LIMA1: variants seen among roughly 807,000 people sequenced by gnomAD.
The protein encoded by LIMA1 is LIM domain and actin-binding protein 1.
LIMA1 carries 52 observed loss-of-function variants against 62.6 expected under a neutral mutation model. The ratio of observed to expected loss-of-function variants is 0.83; its 90% CI spans 0.67 to 1.05. LIMA1 has a LOEUF of 1.05. Among genes scored for constraint, LIMA1 ranks in the 50% least tolerant of loss-of-function variants. The probability of loss-of-function intolerance (pLI) is 0.00; values close to 1 mark genes in which losing one functional copy is unlikely to be tolerated. For synonymous variants in LIMA1, 302 were observed against 317.8 expected (o/e 0.95, Z 0.53); for missense variants, 780 against 902.2 (o/e 0.86, Z 1.74).
At chr12:50,195,502 C>T (rs545730430) in intron 8 of LIMA1, 7 of 204,910 alleles carry the variant, frequency 3.4e-5, no homozygotes, top group South Asian at 1.8e-4. Flanking sequence ...GAATAAAATC[C>T]GTATTGGCCA....
Position 50,204,559 on chromosome 12 carries a change from T to C in LIMA1, c.857A>G (p.Asn286Ser), listed in dbSNP as rs1468093650. Residue 286 changes from asparagine to serine, a missense_variant, in exon 6 of 11, where the codon AAC (asparagine) becomes AGC (serine). Transcript: ENST00000341247. ...AAVSKQSSST[N>S]YTNELKASGG... ...ATGATGCAGAACACATACTGTATAG[T>C]TGGTTGAGCTGCTTTGTTTGGACAC... The C allele has an allele frequency of 1.9e-6, 3 of 1,613,926 alleles. No homozygotes were observed. The highest frequency in any genetic ancestry group is 8.5e-7 in the Non-Finnish European group (1 of 1,179,964).
At chr12:50,249,078 T>C (rs565446431) in intron 1 of LIMA1, among the ~76,000 whole-genome samples, 2 of 152,288 alleles carry the variant, frequency 1.3e-5, no homozygotes, top group East Asian at 1.9e-4. Context: ...TGGAGTGAAA[T>C]GTTTCCCTCT....
At chr12:50,181,821 C>T (rs1343258738) in intron 10 of LIMA1, 83 bp downstream of exon 10, 5 of 1,473,274 alleles carry the variant, frequency 3.4e-6, no homozygotes, top group Non-Finnish European at 4.7e-6. Context: ...AGCACAGTAG[C>T]TTTTAGCACC....
intron 1 of LIMA1, among the ~76,000 whole-genome samples, chr12:50,258,092 G>A (rs1592560569): frequency 6.6e-6 from 1 of 152,100 alleles, no homozygotes. Context: ...ACTGCAAGAT[G>A]TTCCAGGCTC....
At chr12:50,258,906 A>G (rs1311037909) in intron 1 of LIMA1, among the ~76,000 whole-genome samples, 5 of 152,026 alleles carry the variant, frequency 3.3e-5, no homozygotes, top group Non-Finnish European at 5.9e-5. Flanking sequence ...TCGGCCCCCC[A>G]AAGTGCTGGG....
At chr12:50,252,524 T>G (rs1221883201) in intron 1 of LIMA1, among the ~76,000 whole-genome samples, 1 of 137,710 alleles carries the variant, frequency 7.3e-6, no homozygotes, top group African/African-American at 2.8e-5. Context: ...GAGGTTGCAG[T>G]GAGCCGAGAT....
At chr12:50,182,481 C>A (rs535506557) in intron 9 of LIMA1, among the ~76,000 whole-genome samples, 57 of 152,240 alleles carry the variant, frequency 3.7e-4, no homozygotes, top group African/African-American at 1.3e-3. Flanking sequence ...AGAGGAAGAG[C>A]ATTTGGCTTT....
intron 8 of LIMA1, among the ~76,000 whole-genome samples, chr12:50,192,964 A>C (rs951502215): frequency 6.7e-6 from 1 of 150,144 alleles, no homozygotes; most frequent in Non-Finnish European, 1.5e-5. Context: ...ATGTGAGGGC[A>C]GAAATTTTGT....
At chr12:50,225,799 C>T (rs1941519044) in intron 3 of LIMA1, among the ~76,000 whole-genome samples, 1 of 152,202 alleles carries the variant, frequency 6.6e-6, no homozygotes, top group African/African-American at 2.4e-5. Flanking sequence ...CTGCCTTGGC[C>T]TCCCAAAGTG....
At chr12:50,256,572 G>A (rs183209987) in intron 1 of LIMA1, among the ~76,000 whole-genome samples, 20 of 152,130 alleles carry the variant, frequency 1.3e-4, no homozygotes, top group African/African-American at 4.6e-4. Context: ...TTTAGTTGTC[G>A]TGTCTTCCTA....
At chr12:50,258,378 A>G (rs1347424768) in intron 1 of LIMA1, among the ~76,000 whole-genome samples, 1 of 152,102 alleles carries the variant, frequency 6.6e-6, no homozygotes, top group East Asian at 1.9e-4. Context: ...AGCTCACTGC[A>G]GCCTACCTCC....
At position 50,200,892 on chromosome 12, in the gene LIMA1, A is replaced by T; in HGVS notation, c.865-8T>A. Reference sequence around the variant, plus strand: ...ACTGGCTTTCAGCTCATTCTACAAAATAAAAATAACTGTAAAAATTTTTTT... The same window carrying T: ...ACTGGCTTTCAGCTCATTCTACAAATTAAAAATAACTGTAAAAATTTTTTT... On this transcript the variant is annotated splice_region_variant and splice_polypyrimidine_tract_variant and intron_variant, in intron 6 of 10. Coordinates refer to ENST00000341247, the MANE Select transcript of LIMA1 (RefSeq NM_016357.5). 6.2e-7 allele frequency: 1 copy of T among 1,611,708 alleles called. No individual in the cohort carries two copies. Among genetic ancestry groups the T allele is most frequent in the Non-Finnish European group, 8.5e-7 (1 of 1,179,392 alleles).
At chr12:50,257,045 AATATT>A (rs1942005831) in intron 1 of LIMA1, among the ~76,000 whole-genome samples, 1 of 152,104 alleles carries the variant, frequency 6.6e-6, no homozygotes, top group African/African-American at 2.4e-5. Context: ...GTAATTCATA[AATATT>A]ATGAGGGAGA....
At chr12:50,270,377 T>C (rs2138695298) in intron 1 of LIMA1, among the ~76,000 whole-genome samples, 2 of 151,884 alleles carry the variant, frequency 1.3e-5, no homozygotes, top group South Asian at 4.2e-4. Flanking sequence ...GGAGGATAGA[T>C]TGCTTGAGTT....
intron 1 of LIMA1, among the ~76,000 whole-genome samples, chr12:50,258,692 G>C (rs1224353543): frequency 1.4e-5 from 2 of 142,928 alleles, no homozygotes; most frequent in African/African-American, 5.3e-5. Context: ...TCTGTCACCA[G>C]GCTGGAGTGC....
chr12:50,256,267 T>C (rs960278371), intron 1 of LIMA1: 3 of 152,084 alleles, frequency 2.0e-5, no homozygotes, highest in Non-Finnish European at 4.4e-5. Context: ...CAAATTTGTG[T>C]GTTAACTTCA....
intron 1 of LIMA1, among the ~76,000 whole-genome samples, chr12:50,253,101 C>T (rs144689033): frequency 6.6e-6 from 1 of 152,092 alleles, no homozygotes; most frequent in Non-Finnish European, 1.5e-5. Context: ...TCATCAAACC[C>T]GAATGATGGA....
chr12:50,217,817 A>G, intron 4 of LIMA1: 1 of 292,136 alleles, frequency 3.4e-6, no homozygotes, highest in South Asian at 3.5e-5. Flanking sequence ...CCTGGGAAGT[A>G]CACAGGCATC....
intron 1 of LIMA1, among the ~76,000 whole-genome samples, chr12:50,271,798 A>G (rs1186153597): frequency 6.6e-6 from 1 of 152,178 alleles, no homozygotes; most frequent in Non-Finnish European, 1.5e-5. Flanking sequence ...CTCAATAAAT[A>G]TCTGTTATAT....
Sources: allele counts gnomAD v4.1 joint callset (sites outside exome capture counted in the v4.1 genomes callset), GRCh38; gene constraint gnomAD v4.1.1; transcripts MANE v1.5; gene names NCBI Gene and HGNC (gene_info 2026-07-23, HGNC 2026-07-21).